PEX7: variants seen among roughly 807,000 people sequenced by gnomAD.
The protein encoded by PEX7 is peroxisomal biogenesis factor 7.
In PEX7, 34 loss-of-function variants were observed where a neutral mutation model predicts 47.5. The observed-to-expected ratio is 0.72, with a 90% confidence interval of 0.54 to 0.95. The LOEUF (loss-of-function observed/expected upper bound fraction) is 0.95, where lower values mean the gene tolerates loss of function less well. PEX7 is among the 40% of genes least tolerant of loss of function. The pLI, the probability that PEX7 is intolerant of heterozygous loss-of-function variation, is 0.00. For synonymous variants in PEX7, 141 were observed against 148.8 expected (o/e 0.95, Z 0.38); for missense variants, 394 against 400.3 (o/e 0.98, Z 0.13).
intron 8 of PEX7, among the ~76,000 whole-genome samples, chr6:136,886,169 C>T (rs905319494): frequency 6.6e-6 from 1 of 152,134 alleles, no homozygotes; most frequent in Non-Finnish European, 1.5e-5. Context: ...TTTTGTTGCC[C>T]TCTGCTCCTT....
Position 136,867,909 on chromosome 6 carries a change from G to T in PEX7, c.633+1176G>T, listed in dbSNP as rs62420714. On this transcript the variant is annotated intron_variant, in intron 6 of 9. Coordinates refer to ENST00000318471, the MANE Select transcript of PEX7 (RefSeq NM_000288.4). ...AAAAATAAATTTAGTGTACAGTAAT[G>T]TTCTAGGCCTTTCCATTCACTCACT... Among the ~76,000 whole-genome samples the T allele has an allele frequency of 9.7e-3, 1,479 of 152,298 alleles. 8 individuals are homozygous for T. Among genetic ancestry groups the T allele is most frequent in the Non-Finnish European group, 0.015 (996 of 68,036 alleles).
At chr6:136,832,542 T>C (rs1774313520) in intron 3 of PEX7, among the ~76,000 whole-genome samples, 1 of 152,254 alleles carries the variant, frequency 6.6e-6, no homozygotes, top group South Asian at 2.1e-4. Context: ...AGGTTTTTCT[T>C]TTCTACCTCA....
intron 8 of PEX7, among the ~76,000 whole-genome samples, chr6:136,891,709 C>T (rs1056652949): frequency 4.6e-5 from 7 of 150,752 alleles, no homozygotes; most frequent in Non-Finnish European, 8.8e-5. Context: ...CTGCAGATCA[C>T]GGTTCACTGC....
At chr6:136,888,254 C>G (rs983442915) in intron 8 of PEX7, among the ~76,000 whole-genome samples, 1 of 152,226 alleles carries the variant, frequency 6.6e-6, no homozygotes, top group Non-Finnish European at 1.5e-5. Flanking sequence ...TTCAAATGAT[C>G]ATTTTACCTC....
At position 136,844,100 on chromosome 6, in the gene PEX7, C is replaced by T. The variant is rs535756168; in HGVS notation, c.340-1515C>T. Among the ~76,000 whole-genome samples, 24 of 152,220 alleles carry T rather than the reference C, an allele frequency of 1.6e-4. No individual in the cohort carries two copies. The South Asian group carries it at 1.9e-3, about 12-fold the overall frequency. ...AATTTGTAGGCTGGGCACGGTGGCT[C>T]ATGCCTGTAAACCTAGCACTTTGGG... On this transcript the variant is annotated intron_variant, in intron 3 of 9. Coordinates refer to ENST00000318471, the MANE Select transcript of PEX7 (RefSeq NM_000288.4).
chr6:136,827,251 G>A (rs1774211125), intron 3 of PEX7, among the ~76,000 whole-genome samples: 1 of 152,142 alleles, frequency 6.6e-6, no homozygotes, highest in African/African-American at 2.4e-5. Context: ...GGGTCCAGAT[G>A]TTTTATAGCT....
At chr6:136,861,328 C>T (rs994346006) in intron 5 of PEX7, among the ~76,000 whole-genome samples, 5 of 152,118 alleles carry the variant, frequency 3.3e-5, no homozygotes, top group Non-Finnish European at 7.4e-5. Context: ...AACGACCTGC[C>T]TGCCTTGACC....
At chr6:136,876,752 G>T (rs148119380) in intron 8 of PEX7, among the ~76,000 whole-genome samples, 49 of 152,262 alleles carry the variant, frequency 3.2e-4, no homozygotes, top group South Asian at 1.7e-3. Flanking sequence ...TGGGCATTTG[G>T]GTTGGTTCCA....
chr6:136,904,677 C>T (rs1775812235), intron 9 of PEX7, among the ~76,000 whole-genome samples: 1 of 148,522 alleles, frequency 6.7e-6, no homozygotes, highest in Non-Finnish European at 1.5e-5. Context: ...TAAGATGTGA[C>T]ATGCTCCTCC....
At chr6:136,876,332 C>G (rs145610796) in intron 8 of PEX7, among the ~76,000 whole-genome samples, 1 of 152,180 alleles carries the variant, frequency 6.6e-6, no homozygotes, top group African/African-American at 2.4e-5. Context: ...CCACTGCGCC[C>G]GGCCGATTAA....
chr6:136,825,319 C>T, intron 2 of PEX7, 48 bp downstream of exon 2: 7 of 1,412,514 alleles, frequency 5.0e-6, no homozygotes, highest in Non-Finnish European at 7.0e-6. Flanking sequence ...CTATTAAAGC[C>T]TTAATAGAAT....
intron 8 of PEX7, among the ~76,000 whole-genome samples, chr6:136,882,763 T>C (rs1432147938): frequency 1.3e-5 from 2 of 152,132 alleles, no homozygotes; most frequent in African/African-American, 2.4e-5. Context: ...ATATCTTTAG[T>C]CTCCAACTCT....
chr6:136,896,899 A>G (rs1316739570), intron 8 of PEX7, among the ~76,000 whole-genome samples: 3 of 152,246 alleles, frequency 2.0e-5, no homozygotes, highest in African/African-American at 7.2e-5. Context: ...AGATTTTGAT[A>G]TAATTCACTG....
chr6:136,826,238 A>G (rs1317297059), intron 2 of PEX7, 81 bp from the exon 3 acceptor site: 1 of 1,473,170 alleles, frequency 6.8e-7, no homozygotes, highest in East Asian at 2.3e-5. Context: ...AAGAAAAAAA[A>G]CCATAATTGT....
chr6:136,877,248 C>G (rs1226123616), intron 8 of PEX7, among the ~76,000 whole-genome samples: 1 of 151,204 alleles, frequency 6.6e-6, no homozygotes, highest in Non-Finnish European at 1.5e-5. Context: ...CAAAAATTTT[C>G]TCCCATTCTG....
chr6:136,892,433 A>G (rs1296655892), intron 8 of PEX7, among the ~76,000 whole-genome samples: 1 of 152,194 alleles, frequency 6.6e-6, no homozygotes, highest in East Asian at 1.9e-4. Context: ...TTTTTAGTAG[A>G]AAAAGTACTA....
At chr6:136,904,461 CG>C (rs1554336467) in intron 9 of PEX7, among the ~76,000 whole-genome samples, 3 of 152,096 alleles carry the variant, frequency 2.0e-5, no homozygotes, top group Non-Finnish European at 4.4e-5. Context: ...GCTGTGTCCC[CG>C]CCCAAATCTC....
At chr6:136,829,916 A>G (rs1774263113) in intron 3 of PEX7, 6 of 680,666 alleles carry the variant, frequency 8.8e-6, no homozygotes, top group Middle Eastern at 5.1e-4. Context: ...CAGCCTGGAC[A>G]ACAGAGTGAG....
chr6:136,869,663 C>G (rs1001997824), intron 6 of PEX7, among the ~76,000 whole-genome samples: 6 of 152,156 alleles, frequency 3.9e-5, no homozygotes, highest in Non-Finnish European at 8.8e-5. Flanking sequence ...AGTGTTCCAT[C>G]GTGTACATAA....
Sources: allele counts gnomAD v4.1 joint callset (sites outside exome capture counted in the v4.1 genomes callset), GRCh38; gene constraint gnomAD v4.1.1; transcripts MANE v1.5; gene names NCBI Gene and HGNC (gene_info 2026-07-23, HGNC 2026-07-21).